The following POLR3C variants were observed in gnomAD, a reference collection of about 807,000 sequenced individuals.
The protein encoded by POLR3C is DNA-directed RNA polymerase III subunit RPC3.
A neutral mutation model predicts 65.9 loss-of-function variants in POLR3C; 44 were observed. That is an observed-to-expected ratio of 0.67 (90% CI 0.52 to 0.86). POLR3C has a LOEUF of 0.86. Ranked by LOEUF, POLR3C falls within the 40% of genes least tolerant of loss-of-function variation. POLR3C has a pLI of 0.00. For missense variants in POLR3C, 576 were observed against 653.2 expected (o/e 0.88, Z 1.29); for synonymous variants, 263 against 231.6 (o/e 1.14, Z -1.23).
At chr1:145,841,114 C>T (rs369215474) in intron 14 of POLR3C, 43 bp downstream of exon 14, 4 of 1,577,060 alleles carry the variant, frequency 2.5e-6, no homozygotes, top group Non-Finnish European at 3.5e-6. Flanking sequence ...GAATACCATC[C>T]AGAAAATCCA....
chr1:145,840,642 T>G (rs1553730239), intron 13 of POLR3C, among the ~76,000 whole-genome samples: 1 of 152,170 alleles, frequency 6.6e-6, no homozygotes, highest in African/African-American at 2.4e-5. Flanking sequence ...CATGCATTAG[T>G]CTACACTTTT....
intron 2 of POLR3C, among the ~76,000 whole-genome samples, chr1:145,826,158 C>T (rs1023546646): frequency 2.0e-5 from 3 of 152,278 alleles, no homozygotes; most frequent in Non-Finnish European, 2.9e-5. Flanking sequence ...CCATGCCGTA[C>T]CTCATTTATT....
At position 145,828,820 on chromosome 1, in the gene POLR3C, A is replaced by G. The variant is rs782336807; in HGVS notation, c.661A>G (p.Thr221Ala). 7 of 1,580,988 alleles carry G rather than the reference A, an allele frequency of 4.4e-6. No homozygotes were observed. The East Asian group carries it at 6.7e-5, about 15-fold the overall frequency. Residue 221 changes from threonine to alanine, a missense_variant, in exon 5 of 15, where the codon ACT becomes GCT. Physicochemically the swap from Thr to Ala is moderately conservative, Grantham distance 58. Transcript: ENST00000334163. The stretch of plus-strand genomic sequence containing the variant: ...GCCCAAGGCCAAGAGACCAAAATAT[A>G]CTACAGATAACAAGGAGGTAATGGG... ...GEPKAKRPKY[T>A]TDNKEPIPDD...
At chr1:145,824,543 A>G (rs1553725259) in intron 1 of POLR3C, 174 bp downstream of exon 1, 5 of 1,290,024 alleles carry the variant, frequency 3.9e-6, no homozygotes, top group Middle Eastern at 2.1e-4. Flanking sequence ...GGATGGACGA[A>G]ATAGGTCTCT....
intron 13 of POLR3C, 133 bp downstream of exon 13, chr1:145,840,298 G>A (rs1228725978): frequency 2.1e-5 from 14 of 658,034 alleles, no homozygotes; most frequent in South Asian, 3.5e-5. Flanking sequence ...CCAGCACTTC[G>A]GGAGGCTGAG....
At chr1:145,840,551 T>A (rs587613325) in intron 13 of POLR3C, 116 of 222,512 alleles carry the variant, frequency 5.2e-4, no homozygotes, top group African/African-American at 9.5e-4. Context: ...AAAAAAAAAA[T>A]TTTTTTTTTG....
intron 13 of POLR3C, among the ~76,000 whole-genome samples, chr1:145,840,568 A>G (rs1433007537): frequency 6.6e-6 from 1 of 152,138 alleles, no homozygotes; most frequent in Non-Finnish European, 1.5e-5. Context: ...TTTGAGAAGT[A>G]GGAACCAGTA....
chr1:145,836,388 C>G (rs1294908600), intron 7 of POLR3C, 106 bp from the exon 8 acceptor site: 1 of 728,994 alleles, frequency 1.4e-6, no homozygotes, highest in South Asian at 1.5e-5. Flanking sequence ...CCAAAGTGTT[C>G]GGATTACAGG....
At chr1:145,825,975 AC>A (rs779326846) in intron 2 of POLR3C, 52 bp downstream of exon 2, 212 of 1,427,816 alleles carry the variant, frequency 1.5e-4, no homozygotes, top group Non-Finnish European at 2.0e-4. Context: ...AATTTATTTC[AC>A]CCACCTTTGA....
chr1:145,833,335 G>T lies in POLR3C; in HGVS notation c.754G>T (p.Val252Leu). ...CCAACACTTCCGTGACCAAGCCATT[G>T]TGAGCGCAGTTGCTAACAGGATGGA... ...FHQHFRDQAI[V>L]SAVANRMDQT... is the part of the protein sequence containing the mutation. Residue 252 changes from valine (V) to leucine (L), a missense_variant, in exon 6 of 15, where the codon GTG becomes TTG. Val to Leu is a conservative substitution (Grantham distance 32). Transcript: ENST00000334163. The T allele has an allele frequency of 6.2e-7, 1 of 1,613,360 alleles. No homozygotes were observed. Among genetic ancestry groups the T allele is most frequent in the Non-Finnish European group, 8.5e-7 (1 of 1,179,348 alleles).
chr1:145,837,486 C>T (rs1166856703), intron 9 of POLR3C, 50 bp from the exon 10 acceptor site: 5 of 955,286 alleles, frequency 5.2e-6, no homozygotes, highest in Admixed American at 2.5e-5. Context: ...ACTCAGATCA[C>T]AATAACTAGG....
At chr1:145,830,983 C>A (rs1553727026) in intron 5 of POLR3C, among the ~76,000 whole-genome samples, 1 of 151,622 alleles carries the variant, frequency 6.6e-6, no homozygotes, top group East Asian at 1.9e-4. Flanking sequence ...GTTTGTAGTC[C>A]CAGCTACTCA....
chr1:145,833,801 A>G (rs1411668897), intron 7 of POLR3C, among the ~76,000 whole-genome samples: 1 of 152,234 alleles, frequency 6.6e-6, no homozygotes, highest in Non-Finnish European at 1.5e-5. Flanking sequence ...CAAAGTATCT[A>G]TTCGTCAAGT....
Position 145,839,045 on chromosome 1 carries a change from C to T in POLR3C, c.1221+839C>T, listed in dbSNP as rs587760080. Among the ~76,000 whole-genome samples, 32 of 152,098 alleles carry T rather than the reference C, an allele frequency of 2.1e-4. 1 individual carries two copies. In the East Asian group the frequency reaches 4.3e-3, roughly 20 times the overall value. ...CAGCACTTTGGGAGGCCTAGGCGGA[C>T]GGATCACTTGAGGTCAGGAATTCGA... On this transcript the variant is annotated intron_variant, in intron 11 of 14. Coordinates refer to ENST00000334163, the MANE Select transcript of POLR3C (RefSeq NM_006468.8).
chr1:145,825,026 T>C (rs1230389533), intron 1 of POLR3C, among the ~76,000 whole-genome samples: 2 of 152,090 alleles, frequency 1.3e-5, no homozygotes, highest in Non-Finnish European at 1.5e-5. Flanking sequence ...TATGCATACA[T>C]TTTTCCTTTT....
chr1:145,824,315 C>A lies in POLR3C; in HGVS notation c.-75C>A. On this transcript the variant is annotated 5_prime_UTR_variant, in exon 1 of 15. Transcript: ENST00000334163. ...GCCAGCGGGAGCCGTAGGAAGCCGT[C>A]GCGGGAAGCTCAGCCGAATTGGAGT... 3.2e-6 allele frequency: 1 copy of A among 311,952 alleles called. No homozygotes were observed. The highest frequency in any genetic ancestry group is 6.3e-6 in the Non-Finnish European group (1 of 157,832). 19.3% of individuals were successfully genotyped at this position (311,952 alleles called of 1,614,324 possible). A position where few individuals can be genotyped will look rare whatever the true frequency, so the allele number is the denominator to read the frequency against.
At chr1:145,836,022 C>G (rs1479197502) in intron 7 of POLR3C, among the ~76,000 whole-genome samples, 2 of 152,002 alleles carry the variant, frequency 1.3e-5, no homozygotes, top group African/African-American at 4.8e-5. Context: ...TTTTAGTGTA[C>G]TCGGTACTGG....
chr1:145,830,898 G>C (rs782209509), intron 5 of POLR3C, among the ~76,000 whole-genome samples: 1 of 151,774 alleles, frequency 6.6e-6, no homozygotes, highest in Non-Finnish European at 1.5e-5. Context: ...GAGCCCAGGA[G>C]TTTGAGACCA....
chr1:145,825,960 T>C, intron 2 of POLR3C, 37 bp downstream of exon 2: 2 of 1,527,692 alleles, frequency 1.3e-6, no homozygotes, highest in South Asian at 1.1e-5. Flanking sequence ...CTCATTTCTT[T>C]CACTAATTTA....
Sources: gnomAD v4.1 joint callset for allele counts (sites outside exome capture counted in the v4.1 genomes callset) on GRCh38, gnomAD v4.1.1 for gene constraint, MANE v1.5 for transcripts, NCBI Gene and HGNC (gene_info 2026-07-23, HGNC 2026-07-21) for gene names.